Variants in SNX31 observed in about 807,000 individuals in gnomAD.
SNX31 encodes the protein sorting nexin-31.
Under a neutral mutation model 65.4 loss-of-function variants are expected in SNX31, and 58 were observed. That is an observed-to-expected ratio of 0.89 (90% CI 0.72 to 1.10). SNX31 has a LOEUF of 1.10. SNX31 is among the 50% of genes least tolerant of loss of function. The pLI is 0.00. For synonymous variants in SNX31, 181 were observed against 190.1 expected, an observed-to-expected ratio of 0.95 and a Z score of 0.39; for missense variants, 523 against 529.7, an observed-to-expected ratio of 0.99 and a Z score of 0.12.
upstream of SNX31, among the ~76,000 whole-genome samples, chr8:100,651,045 T>C (rs1819958150): frequency 6.6e-6 from 1 of 152,064 alleles, no homozygotes; most frequent in African/African-American, 2.4e-5. Flanking sequence ...AGAGACAGGG[T>C]TTCTCCATGT....
upstream of SNX31, among the ~76,000 whole-genome samples, chr8:100,650,172 GT>G (rs1463027677): frequency 3.9e-5 from 6 of 152,196 alleles, no homozygotes; most frequent in Non-Finnish European, 8.8e-5. Flanking sequence ...CCCAGTGCAA[GT>G]TCTTTCAACA....
intron 2 of SNX31, among the ~76,000 whole-genome samples, chr8:100,637,612 C>A (rs752934292): frequency 6.6e-6 from 1 of 152,222 alleles, no homozygotes; most frequent in Non-Finnish European, 1.5e-5. Context: ...TTATTGCAAT[C>A]GCCTTCCAAC....
chr8:100,651,157 G>A (rs989646927), upstream of SNX31, among the ~76,000 whole-genome samples: 3 of 152,188 alleles, frequency 2.0e-5, no homozygotes, highest in African/African-American at 7.2e-5. Flanking sequence ...TCTTTAAGCT[G>A]CAGTTCCTTC....
intron 2 of SNX31, among the ~76,000 whole-genome samples, chr8:100,641,520 G>A (rs1819175977): frequency 1.6e-5 from 2 of 125,662 alleles, no homozygotes; most frequent in African/African-American, 6.2e-5. Flanking sequence ...GCTCCAGCCT[G>A]GGCCACTGGA....
chr8:100,615,977 T>C (rs1054206993), intron 5 of SNX31, among the ~76,000 whole-genome samples: 8 of 152,104 alleles, frequency 5.3e-5, no homozygotes, highest in African/African-American at 1.9e-4. Flanking sequence ...GGTCTCACTG[T>C]GTTAGCCAGA....
intron 1 of SNX31, among the ~76,000 whole-genome samples, chr8:100,655,879 A>G (rs1002821138): frequency 1.3e-5 from 2 of 152,212 alleles, no homozygotes; most frequent in African/African-American, 4.8e-5. Context: ...CACTGTGGCC[A>G]GTGTGCAGGG....
chr8:100,644,785 C>G (rs1455256538), intron 2 of SNX31, among the ~76,000 whole-genome samples: 1 of 152,258 alleles, frequency 6.6e-6, no homozygotes, highest in Non-Finnish European at 1.5e-5. Flanking sequence ...GTGCCTCATT[C>G]TCCCAAGTAG....
chr8:100,626,270 T>C lies in SNX31; in HGVS notation c.321+4057A>G, dbSNP rs960708319. 1.1e-4 allele frequency among the ~76,000 whole-genome samples: 16 copies of C among 152,152 alleles called. No individual in the cohort carries two copies. Among genetic ancestry groups the C allele is most frequent in the Non-Finnish European group, 1.8e-4 (12 of 68,024 alleles). On this transcript the variant is annotated intron_variant, in intron 4 of 13. Transcript: ENST00000311812. The surrounding 1 kb of genome is among the most constrained non-coding windows in gnomAD (Gnocchi z 4.4). Reference sequence around the variant, plus strand: ...CAAGAGACAGGAGCTCTTCTCCCCATTTTACAGATGGGGAAACTGAGGTAC... The same window carrying C: ...CAAGAGACAGGAGCTCTTCTCCCCACTTTACAGATGGGGAAACTGAGGTAC...
chr8:100,606,793 T>C (rs1054695596), intron 8 of SNX31, among the ~76,000 whole-genome samples: 2 of 152,246 alleles, frequency 1.3e-5, no homozygotes, highest in African/African-American at 4.8e-5. Flanking sequence ...CACTACTCAA[T>C]CTTTTGGCAG....
rs1300814293 is a variant in SNX31, at chr8:100,648,715, T to C, written c.141+559A>G. 6.6e-6 allele frequency among the ~76,000 whole-genome samples: 1 copy of C among 152,148 alleles called. No homozygotes were observed. The highest frequency in any genetic ancestry group is 2.4e-5 in the African/African-American group (1 of 41,422). ...GTCAAGACAGCAGGGTGAGAAACTATCCTAGCTTGGTAAGTCATGTTCCCT... is the reference window on the plus strand; with the variant it reads ...GTCAAGACAGCAGGGTGAGAAACTACCCTAGCTTGGTAAGTCATGTTCCCT... On this transcript the variant is annotated intron_variant, in intron 2 of 13. Coordinates refer to ENST00000311812, the MANE Select transcript of SNX31 (RefSeq NM_152628.4). This position sits in a 1 kb window ranked among gnomAD's most constrained non-coding sequence, Gnocchi z 4.3.
At chr8:100,618,055 C>T in intron 4 of SNX31, 1 of 985,042 alleles carries the variant, frequency 1.0e-6, no homozygotes, top group Non-Finnish European at 1.2e-6. Flanking sequence ...CCTGAGCCAC[C>T]ACGCCCGGCC....
intron 10 of SNX31, among the ~76,000 whole-genome samples, chr8:100,596,252 A>C (rs1815081873): frequency 6.6e-6 from 1 of 152,230 alleles, no homozygotes; most frequent in African/African-American, 2.4e-5. Flanking sequence ...CAATGCAAGC[A>C]TGATGCCAAG....
intron 2 of SNX31, among the ~76,000 whole-genome samples, chr8:100,639,843 G>C (rs1433845869): frequency 1.3e-5 from 2 of 152,104 alleles, no homozygotes; most frequent in Non-Finnish European, 2.9e-5. Flanking sequence ...ACTGAGGCAG[G>C]AAATATATAA....
At chr8:100,641,275 G>A (rs7821965) in intron 2 of SNX31, among the ~76,000 whole-genome samples, 71,440 of 151,148 alleles carry the variant, frequency 0.47, 17,099 homozygotes, top group South Asian at 0.53. Context: ...GGTGGCTCAC[G>A]CCTGTCATCT....
At chr8:100,651,132 G>A (rs1354916723), upstream of SNX31, among the ~76,000 whole-genome samples, 1 of 152,226 alleles carries the variant, frequency 6.6e-6, no homozygotes, top group Non-Finnish European at 1.5e-5. Context: ...GATTACAAGT[G>A]TGAAATTAGT....
chr8:100,578,870 C>T lies in SNX31; in HGVS notation c.1171-1795G>A, dbSNP rs1296896138. On this transcript the variant is annotated intron_variant, in intron 12 of 13. Coordinates refer to ENST00000311812, the MANE Select transcript of SNX31 (RefSeq NM_152628.4). The surrounding 1 kb of genome is among the most constrained non-coding windows in gnomAD (Gnocchi z 4.7). ...CCAAGTAGCTAGGAATACAGGTACG[C>T]GCCACCATGCCCATCTAATTTTTGT... Among the ~76,000 whole-genome samples, 36 of 151,976 alleles carry T rather than the reference C, an allele frequency of 2.4e-4. No individual in the cohort carries two copies. Among genetic ancestry groups the T allele is most frequent in the Admixed American group, 1.1e-3 (17 of 15,262 alleles).
intron 11 of SNX31, among the ~76,000 whole-genome samples, chr8:100,585,799 T>C (rs766368881): frequency 4.6e-5 from 7 of 152,224 alleles, no homozygotes; most frequent in Non-Finnish European, 8.8e-5. Context: ...ACCAATTCCA[T>C]ATTCTTATAC....
Position 100,578,088 on chromosome 8 carries a change from G to A in SNX31, c.1171-1013C>T, listed in dbSNP as rs1320980497. On this transcript the variant is annotated intron_variant, in intron 12 of 13. Transcript: ENST00000311812. This position sits in a 1 kb window ranked among gnomAD's most constrained non-coding sequence, Gnocchi z 4.7. ...CATTCAGACATGTCCTGGGCTGCAT[G>A]CAGCCCGCAGGCTGTGGGTTGGACA... Among the ~76,000 whole-genome samples, 3 of 152,204 alleles carry A rather than the reference G, an allele frequency of 2.0e-5. No homozygotes were observed. The highest frequency in any genetic ancestry group is 4.4e-5 in the Non-Finnish European group (3 of 68,036).
chr8:100,642,765 G>A (rs1819347656), intron 2 of SNX31, among the ~76,000 whole-genome samples: 1 of 152,122 alleles, frequency 6.6e-6, no homozygotes, highest in Non-Finnish European at 1.5e-5. Flanking sequence ...AGCCCTACCT[G>A]TCTTTCAAAA....
Sources: gnomAD v4.1 joint callset for allele counts (sites outside exome capture counted in the v4.1 genomes callset) on GRCh38, gnomAD v4.1.1 for gene constraint, Gnocchi (gnomAD v3.1) non-coding constraint, MANE v1.5 for transcripts, NCBI Gene and HGNC (gene_info 2026-07-23, HGNC 2026-07-21) for gene names.